The following ARHGEF28 variants were observed in gnomAD, a reference collection of about 807,000 sequenced individuals.
ARHGEF28 encodes the protein 190 kDa guanine nucleotide exchange factor.
In ARHGEF28, 152 loss-of-function variants were observed where a neutral mutation model predicts 206.6. The ratio of observed to expected loss-of-function variants is 0.74; its 90% CI spans 0.64 to 0.84. ARHGEF28 has a LOEUF of 0.84. Among genes scored for constraint, ARHGEF28 ranks in the 40% least tolerant of loss-of-function variants. The pLI, the probability that ARHGEF28 is intolerant of heterozygous loss-of-function variation, is 0.00. For synonymous variants in ARHGEF28, 763 were observed against 776.4 expected (o/e 0.98, Z 0.29); for missense variants, 2,028 against 2,073.2 (o/e 0.98, Z 0.42).
intron 2 of ARHGEF28, among the ~76,000 whole-genome samples, chr5:73,731,024 C>A (rs1335140717): frequency 9.0e-5 from 11 of 122,160 alleles, no homozygotes; most frequent in South Asian, 4.9e-4. Context: ...AAAAAAAAAA[C>A]CCTCTAATCT....
chr5:73,801,000 A>G (rs930625779), intron 9 of ARHGEF28, among the ~76,000 whole-genome samples: 1 of 151,420 alleles, frequency 6.6e-6, no homozygotes, highest in East Asian at 1.9e-4. Flanking sequence ...GGTGCAGTCA[A>G]TAAGTGCTAG....
chr5:73,776,587 A>C lies in ARHGEF28; in HGVS notation c.731A>C (p.His244Pro), dbSNP rs1355124930. 1 of 1,613,778 alleles carries C rather than the reference A, an allele frequency of 6.2e-7. No individual in the cohort carries two copies. The highest frequency in any genetic ancestry group is 2.2e-5 in the East Asian group (1 of 44,882). ...GAAGAAGCCTCCTTGCATTACATTCACTCATCGGAAACGCTGACCCTGACC... is the reference window on the plus strand; with the variant it reads ...GAAGAAGCCTCCTTGCATTACATTCCCTCATCGGAAACGCTGACCCTGACC... ...LSEEASLHYIHSSETLTLTLN... is the reference protein window; with the variant it reads ...LSEEASLHYIPSSETLTLTLN... Residue 244 changes from histidine to proline, a missense_variant, in exon 6 of 36, where the codon CAC becomes CCC. His to Pro is a moderately conservative substitution (Grantham distance 77). This residue lies in a region of ARHGEF28 where 1,002 missense variants were observed against 1,015.3 expected (regional missense o/e 0.99). Transcript: ENST00000513042.
chr5:73,765,306 A>G (rs1752833788), intron 4 of ARHGEF28, among the ~76,000 whole-genome samples: 1 of 152,226 alleles, frequency 6.6e-6, no homozygotes, highest in Non-Finnish European at 1.5e-5. Context: ...TGAAAGCAAT[A>G]TACATTCAGT....
chr5:73,670,715 G>T (rs1448267349), intron 1 of ARHGEF28, among the ~76,000 whole-genome samples: 3 of 152,164 alleles, frequency 2.0e-5, no homozygotes, highest in African/African-American at 7.2e-5. Flanking sequence ...ATCTCATTGT[G>T]ATTTTAATTT....
At chr5:73,629,205 T>A (rs1219440595) in intron 1 of ARHGEF28, among the ~76,000 whole-genome samples, 1 of 152,020 alleles carries the variant, frequency 6.6e-6, no homozygotes, top group Non-Finnish European at 1.5e-5. Flanking sequence ...ATTAAGACAT[T>A]TGGCTGGCCA....
chr5:73,700,837 T>C (rs531103799), intron 2 of ARHGEF28, among the ~76,000 whole-genome samples: 2 of 152,224 alleles, frequency 1.3e-5, no homozygotes, highest in African/African-American at 4.8e-5. Flanking sequence ...CCATAAAATA[T>C]TGTGTGAAAG....
At chr5:73,848,343 G>T (rs1758491662) in intron 12 of ARHGEF28, among the ~76,000 whole-genome samples, 1 of 152,120 alleles carries the variant, frequency 6.6e-6, no homozygotes, top group Admixed American at 6.5e-5. Flanking sequence ...TCATTTTAAA[G>T]TAGTAATATT....
chr5:73,659,430 T>C (rs924145514), intron 1 of ARHGEF28, among the ~76,000 whole-genome samples: 9 of 151,666 alleles, frequency 5.9e-5, no homozygotes, highest in Non-Finnish European at 1.3e-4. Flanking sequence ...CTTGGGAGGC[T>C]GAGGCAGGAG....
At chr5:73,851,149 G>T (rs1360548553) in intron 13 of ARHGEF28, among the ~76,000 whole-genome samples, 1 of 152,174 alleles carries the variant, frequency 6.6e-6, no homozygotes, top group Non-Finnish European at 1.5e-5. Flanking sequence ...TGTTTAGTCG[G>T]CTTGGATTAA....
chr5:73,679,544 G>A (rs1421460530), intron 1 of ARHGEF28, among the ~76,000 whole-genome samples: 3 of 146,896 alleles, frequency 2.0e-5, no homozygotes, highest in Non-Finnish European at 3.0e-5. Flanking sequence ...TCCAGCCTGG[G>A]CCACAGAGCG....
At chr5:73,749,048 G>T (rs149289235) in intron 2 of ARHGEF28, among the ~76,000 whole-genome samples, 3,134 of 152,258 alleles carry the variant, frequency 0.021, 41 homozygotes, top group Non-Finnish European at 0.033. Context: ...GTGACCTGAG[G>T]TGGCAGCTCC....
chr5:73,896,493 T>G lies in ARHGEF28; in HGVS notation c.3842-1469T>G, dbSNP rs547425024. 2.0e-5 allele frequency among the ~76,000 whole-genome samples: 3 copies of G among 152,318 alleles called. No individual in the cohort carries two copies. In the South Asian group the frequency reaches 6.2e-4, roughly 32 times the overall value. On this transcript the variant is annotated intron_variant, in intron 29 of 35. Coordinates refer to ENST00000513042, the MANE Select transcript of ARHGEF28 (RefSeq NM_001177693.2). ...TAATCATGGGTGTGGCATGATCTTA[T>G]TTATGTCTTAAAACACTGGCTGCTG...
At chr5:73,814,054 C>A (rs752245376) in intron 9 of ARHGEF28, among the ~76,000 whole-genome samples, 1 of 151,968 alleles carries the variant, frequency 6.6e-6, no homozygotes, top group Non-Finnish European at 1.5e-5. Flanking sequence ...GCAGAGAATA[C>A]GCATGTGTTT....
intron 7 of ARHGEF28, among the ~76,000 whole-genome samples, chr5:73,789,586 C>T (rs1251762151): frequency 6.6e-6 from 1 of 152,008 alleles, no homozygotes; most frequent in Non-Finnish European, 1.5e-5. Context: ...CTTAATAAAG[C>T]TGTCATAAAA....
chr5:73,871,984 C>G (rs1760134714), intron 21 of ARHGEF28, among the ~76,000 whole-genome samples: 1 of 152,126 alleles, frequency 6.6e-6, no homozygotes, highest in African/African-American at 2.4e-5. Context: ...TCCTAATCAT[C>G]AATTGATGGA....
chr5:73,678,173 T>G (rs1746820481), intron 1 of ARHGEF28, among the ~76,000 whole-genome samples: 1 of 152,208 alleles, frequency 6.6e-6, no homozygotes, highest in Non-Finnish European at 1.5e-5. Flanking sequence ...AGTTTGAAGT[T>G]TCCTGGTTTT....
chr5:73,795,109 TG>T (rs1280101264), intron 8 of ARHGEF28, among the ~76,000 whole-genome samples: 1 of 152,218 alleles, frequency 6.6e-6, no homozygotes, highest in African/African-American at 2.4e-5. Context: ...AAATAACCTG[TG>T]TACAGCTTTC....
At chr5:73,839,091 G>C (rs540515919) in intron 10 of ARHGEF28, among the ~76,000 whole-genome samples, 3 of 152,268 alleles carry the variant, frequency 2.0e-5, no homozygotes, top group South Asian at 4.1e-4. Flanking sequence ...ATTGGATTCA[G>C]GTTAGGCATG....
At chr5:73,852,061 A>C (rs1056340541) in intron 13 of ARHGEF28, among the ~76,000 whole-genome samples, 7 of 152,154 alleles carry the variant, frequency 4.6e-5, no homozygotes, top group African/African-American at 1.7e-4. Flanking sequence ...CTCTGGAAAC[A>C]AGATGGCTCC....
Sources: gnomAD v4.1 joint callset for allele counts (sites outside exome capture counted in the v4.1 genomes callset) on GRCh38, gnomAD v4.1.1 for gene constraint, gnomAD v4.1.1 regional missense constraint, MANE v1.5 for transcripts, NCBI Gene and HGNC (gene_info 2026-07-23, HGNC 2026-07-21) for gene names.